RBFOX1: variants seen among roughly 807,000 people sequenced by gnomAD.
RBFOX1 encodes the protein RNA binding fox-1 homolog 1.
A neutral mutation model predicts 57.7 loss-of-function variants in RBFOX1; 8 were observed. The observed-to-expected ratio is 0.14, with a 90% CI of 0.08 to 0.25. The LOEUF (loss-of-function observed/expected upper bound fraction) is 0.25. RBFOX1 is among the 10% of genes least tolerant of loss of function. The pLI is 1.00. For missense variants in RBFOX1, 611 were observed against 548.5 expected (o/e 1.11, Z -1.14); for synonymous variants, 326 against 222.4 (o/e 1.47, Z -4.15).
intron 1 of RBFOX1, among the ~76,000 whole-genome samples, chr16:5,455,681 A>G (rs2068609142): frequency 6.6e-6 from 1 of 152,178 alleles, no homozygotes; most frequent in Non-Finnish European, 1.5e-5. Context: ...TATGATTTTC[A>G]GCAACATAGA....
intron 2 of RBFOX1, among the ~76,000 whole-genome samples, chr16:5,579,981 G>C (rs903361942): frequency 6.6e-6 from 1 of 152,040 alleles, no homozygotes; most frequent in Non-Finnish European, 1.5e-5. Context: ...AACATGGCTG[G>C]ACTGGTCTTG....
chr16:7,653,493 C>T (rs1405030328), intron 11 of RBFOX1, among the ~76,000 whole-genome samples: 1 of 152,088 alleles, frequency 6.6e-6, no homozygotes, highest in Non-Finnish European at 1.5e-5. Context: ...GTGACAGAGC[C>T]AGTCCCTGTC....
chr16:7,452,380 C>A (rs955229715), intron 4 of RBFOX1, among the ~76,000 whole-genome samples: 2 of 152,292 alleles, frequency 1.3e-5, no homozygotes, highest in East Asian at 3.9e-4. Flanking sequence ...ACACACGGTG[C>A]CTGGTGCATC....
intron 2 of RBFOX1, chr16:5,598,783 C>G: frequency 1.4e-6 from 1 of 736,112 alleles, no homozygotes; most frequent in Non-Finnish European, 2.2e-6. Flanking sequence ...ACAGAGGGTA[C>G]TGTGGCTAAA....
In RBFOX1 at chr16:6,468,951, A is replaced by G. The variant is rs372722692; in HGVS notation, c.-64+151894A>G. Among the ~76,000 whole-genome samples, 12 of 151,396 alleles carry G rather than the reference A, an allele frequency of 7.9e-5. No homozygotes were observed. In the East Asian group the frequency reaches 1.8e-3, roughly 22 times the overall value. ...CATCCTCTCCCTCCTTCCACCCTCC[A>G]CCCTCAGATAGGGCCCATTGTGTGT... On this transcript the variant is annotated intron_variant, in intron 2 of 15. Coordinates refer to ENST00000550418, the MANE Select transcript of RBFOX1 (RefSeq NM_018723.4).
chr16:5,616,807 C>T (rs916652423), intron 3 of RBFOX1, among the ~76,000 whole-genome samples: 1 of 148,934 alleles, frequency 6.7e-6, no homozygotes, highest in East Asian at 2.0e-4. Flanking sequence ...TCCTCTCTTC[C>T]CCCTCCTCCA....
intron 3 of RBFOX1, among the ~76,000 whole-genome samples, chr16:5,815,373 C>G (rs1000392866): frequency 1.3e-5 from 2 of 151,988 alleles, no homozygotes; most frequent in African/African-American, 4.8e-5. Flanking sequence ...GTTTGGAGAC[C>G]CCAGTGGTCA....
intron 3 of RBFOX1, among the ~76,000 whole-genome samples, chr16:5,807,509 C>T (rs191544343): frequency 6.6e-6 from 1 of 152,254 alleles, no homozygotes; most frequent in Non-Finnish European, 1.5e-5. Context: ...TTTTGCACAA[C>T]CAGGAAATCA....
intron 4 of RBFOX1, among the ~76,000 whole-genome samples, chr16:7,295,028 A>C (rs908280579): frequency 1.3e-5 from 2 of 152,128 alleles, no homozygotes; most frequent in African/African-American, 4.8e-5. Context: ...ATTAATTACC[A>C]TCTGGCCAGA....
chr16:7,633,930 A>G (rs993801777), intron 11 of RBFOX1, among the ~76,000 whole-genome samples: 1 of 152,210 alleles, frequency 6.6e-6, no homozygotes. Context: ...ATTCTACTAC[A>G]AAACCATTCC....
intron 2 of RBFOX1, among the ~76,000 whole-genome samples, chr16:6,383,545 T>C (rs8053569): frequency 0.17 from 25,484 of 151,904 alleles, 3,101 homozygotes; most frequent in African/African-American, 0.35. Flanking sequence ...GAGGCTGAGG[T>C]GGGCGGATCA....
intron 3 of RBFOX1, among the ~76,000 whole-genome samples, chr16:6,906,339 C>T (rs1048032738): frequency 1.3e-5 from 2 of 151,884 alleles, no homozygotes; most frequent in African/African-American, 2.4e-5. Flanking sequence ...GTCTCAGGCA[C>T]TACCTAATGA....
intron 2 of RBFOX1, among the ~76,000 whole-genome samples, chr16:5,525,072 C>G (rs974399178): frequency 6.6e-6 from 1 of 152,200 alleles, no homozygotes; most frequent in Non-Finnish European, 1.5e-5. Context: ...TTCCTTCTTT[C>G]TCAACACTGC....
intron 3 of RBFOX1, among the ~76,000 whole-genome samples, chr16:6,869,427 G>C (rs1565633): frequency 0.78 from 118,399 of 151,574 alleles, 47,270 homozygotes; most frequent in African/African-American, 0.94. Flanking sequence ...AACCACTGTG[G>C]TATCTGTCTT....
chr16:6,057,913 A>G lies in RBFOX1; in HGVS notation c.-127+37921A>G, dbSNP rs1047295628. Among the ~76,000 whole-genome samples, 7 of 141,254 alleles carry G rather than the reference A, an allele frequency of 5.0e-5. 1 individual carries two copies. The highest frequency in any genetic ancestry group is 9.0e-5 in the Non-Finnish European group (6 of 66,994). The allele number at this position is 141,254 out of a possible 152,430, so 92.7% of individuals were successfully genotyped here. On this transcript the variant is annotated intron_variant, in intron 1 of 15. Transcript: ENST00000550418. ...AACCGCTCAGTTGAATTCCAGATTC[A>G]GGACAAGATGTCTTGCTGATGGTGA...
intron 3 of RBFOX1, among the ~76,000 whole-genome samples, chr16:6,966,602 G>C (rs1358391261): frequency 6.6e-6 from 1 of 152,100 alleles, no homozygotes; most frequent in Non-Finnish European, 1.5e-5. Flanking sequence ...AAGGCCAATG[G>C]ACTGGAGAAC....
At chr16:6,939,780 G>A (rs2078033822) in intron 3 of RBFOX1, among the ~76,000 whole-genome samples, 1 of 152,052 alleles carries the variant, frequency 6.6e-6, no homozygotes, top group Non-Finnish European at 1.5e-5. Context: ...CCATAGTGCT[G>A]GGATTACAGA....
intron 3 of RBFOX1, among the ~76,000 whole-genome samples, chr16:6,805,423 A>G (rs1269908953): frequency 6.6e-6 from 1 of 152,274 alleles, no homozygotes; most frequent in South Asian, 2.1e-4. Flanking sequence ...AAGAGCAGAA[A>G]AAAATAACTT....
At chr16:7,469,920 A>C in intron 4 of RBFOX1, among the ~76,000 whole-genome samples, 1 of 152,122 alleles carries the variant, frequency 6.6e-6, no homozygotes, top group East Asian at 1.9e-4. Flanking sequence ...ATATAAATGG[A>C]ATCATACATT....
Sources: gnomAD v4.1 joint callset for allele counts (sites outside exome capture counted in the v4.1 genomes callset) on GRCh38, gnomAD v4.1.1 for gene constraint, MANE v1.5 for transcripts, NCBI Gene and HGNC (gene_info 2026-07-23, HGNC 2026-07-21) for gene names.